PARP11: variants seen among roughly 807,000 people sequenced by gnomAD.
PARP11 encodes poly(ADP-ribose) polymerase family member 11.
In PARP11, 31 loss-of-function variants were observed where a neutral mutation model predicts 42.9. The ratio of observed to expected loss-of-function variants is 0.72; its 90% confidence interval spans 0.54 to 0.98. The LOEUF (loss-of-function observed/expected upper bound fraction) is 0.98. Among genes scored for constraint, PARP11 ranks in the 50% least tolerant of loss-of-function variants. The pLI, the probability that PARP11 is intolerant of heterozygous loss-of-function variation, is 0.00. For synonymous variants in PARP11, 137 were observed against 127.3 expected (o/e 1.08, Z -0.51); for missense variants, 365 against 413.1 (o/e 0.88, Z 1.01).
At chr12:3,816,295 C>T (rs1052675463) in intron 6 of PARP11, among the ~76,000 whole-genome samples, 1 of 152,212 alleles carries the variant, frequency 6.6e-6, no homozygotes, top group Non-Finnish European at 1.5e-5. Flanking sequence ...AAATAAGCTA[C>T]CCCTTCTAGT....
rs374337187 is a variant in PARP11, at chr12:3,840,702, CAGA to C, written c.19-10687_19-10685del. 1.0e-5 allele frequency: 13 copies of C among 1,257,634 alleles called. No homozygotes were observed. In the African/African-American group the frequency reaches 1.9e-4, roughly 19 times the overall value. The allele number at this position is 1,257,634 out of a possible 1,614,324, so 77.9% of individuals were successfully genotyped here. A position where few individuals can be genotyped will look rare whatever the true frequency, so the allele number is the denominator to read the frequency against. On this transcript the variant is annotated intron_variant, in intron 1 of 7. Transcript: ENST00000228820. This position sits in a 1 kb window ranked among gnomAD's most constrained non-coding sequence, Gnocchi z 4.4. Reference sequence around the variant, plus strand: ...AAAGGAAGCAGGCGGAGAATGGATACAGAAGAACGAAAAGACAAAGACTCTATT... The same window carrying C: ...AAAGGAAGCAGGCGGAGAATGGATACAGAACGAAAAGACAAAGACTCTATT...
intron 1 of PARP11, 68 bp downstream of exon 1, chr12:3,873,144 G>T: frequency 7.4e-7 from 1 of 1,350,162 alleles, no homozygotes; most frequent in Non-Finnish European, 1.0e-6. Flanking sequence ...CAGTTCCGGT[G>T]ACCCCCTCCC....
At chr12:3,856,396 C>G (rs1445292745) in intron 1 of PARP11, among the ~76,000 whole-genome samples, 2 of 152,162 alleles carry the variant, frequency 1.3e-5, no homozygotes, top group African/African-American at 4.8e-5. Context: ...TATCCAGAAT[C>G]TACAAAGAAC....
intron 1 of PARP11, among the ~76,000 whole-genome samples, chr12:3,846,630 G>A (rs978975249): frequency 5.9e-5 from 9 of 151,876 alleles, no homozygotes; most frequent in Non-Finnish European, 8.8e-5. Context: ...GGTGGCAGGC[G>A]CCTGTAGTCC....
At position 3,863,881 on chromosome 12, in the gene PARP11, C is replaced by T. The variant is rs976585832; in HGVS notation, c.18+9331G>A. ...TCCCAGAGGGAAGGCAGGTCTTCAC[C>T]GTAAACTGCATTGCTAGTATAAACA... On this transcript the variant is annotated intron_variant, in intron 1 of 7. Coordinates refer to ENST00000228820, the MANE Select transcript of PARP11 (RefSeq NM_020367.6). 5 of 152,196 alleles carry T rather than the reference C, an allele frequency of 3.3e-5. No individual in the cohort carries two copies. In the East Asian group the frequency reaches 9.7e-4, roughly 29 times the overall value. The allele number at this position is 152,196 out of a possible 1,614,324, so 9.4% of individuals were successfully genotyped here.
chr12:3,830,918 A>G (rs1947626130), intron 1 of PARP11, among the ~76,000 whole-genome samples: 1 of 152,188 alleles, frequency 6.6e-6, no homozygotes, highest in Non-Finnish European at 1.5e-5. Flanking sequence ...TAGCTATACC[A>G]ATTAACTCAC....
At chr12:3,854,165 T>G (rs536208627) in intron 1 of PARP11, among the ~76,000 whole-genome samples, 39 of 152,290 alleles carry the variant, frequency 2.6e-4, no homozygotes, top group Admixed American at 1.4e-3. Flanking sequence ...CAGCACTAAA[T>G]GCCCACAAGA....
At chr12:3,812,576 CT>C in intron 7 of PARP11, 137 bp from the exon 8 acceptor site, 1 of 648,592 alleles carries the variant, frequency 1.5e-6, no homozygotes, top group East Asian at 2.7e-5. Flanking sequence ...ATCTGCAGAT[CT>C]TTAAGAGAAG....
At chr12:3,855,536 G>A (rs1449186827) in intron 1 of PARP11, among the ~76,000 whole-genome samples, 3 of 152,162 alleles carry the variant, frequency 2.0e-5, no homozygotes, top group Non-Finnish European at 4.4e-5. Flanking sequence ...TTGCTACAAA[G>A]AGAATAAAAT....
At chr12:3,863,114 A>G (rs980163862) in intron 1 of PARP11, among the ~76,000 whole-genome samples, 16 of 152,300 alleles carry the variant, frequency 1.1e-4, no homozygotes, top group African/African-American at 3.4e-4. Flanking sequence ...CTTATTTCAT[A>G]TTTTTGATAG....
intron 1 of PARP11, among the ~76,000 whole-genome samples, chr12:3,831,206 G>A (rs906571754): frequency 6.6e-6 from 1 of 151,964 alleles, no homozygotes; most frequent in African/African-American, 2.4e-5. Flanking sequence ...TTCTTCTCCA[G>A]GGTTAGCCAA....
intron 6 of PARP11, among the ~76,000 whole-genome samples, chr12:3,816,848 G>A (rs561760158): frequency 1.3e-5 from 2 of 152,128 alleles, no homozygotes; most frequent in Middle Eastern, 3.2e-3. Flanking sequence ...GTTGTAATGA[G>A]CTGAGATTGT....
At chr12:3,815,008 AAAG>A (rs1404099808) in intron 6 of PARP11, 6 of 456,464 alleles carry the variant, frequency 1.3e-5, no homozygotes, top group Middle Eastern at 3.3e-4. Flanking sequence ...TCTCAGGAGG[AAAG>A]AAGGAGAGTA....
chr12:3,830,665 ATTAC>A (rs1477597912), intron 1 of PARP11, among the ~76,000 whole-genome samples: 4 of 152,156 alleles, frequency 2.6e-5, no homozygotes, highest in Non-Finnish European at 4.4e-5. Context: ...TAACCTTTAT[ATTAC>A]TTACTACGTG....
At chr12:3,836,524 T>C (rs1045494158) in intron 1 of PARP11, among the ~76,000 whole-genome samples, 1 of 151,656 alleles carries the variant, frequency 6.6e-6, no homozygotes, top group Admixed American at 6.5e-5. Flanking sequence ...TAATAATCCA[T>C]GGGGGATAAA....
Position 3,814,919 on chromosome 12 carries a change from A to C in PARP11, c.549-731T>G, listed in dbSNP as rs1347696726. 2.9e-5 allele frequency: 10 copies of C among 350,720 alleles called. No individual in the cohort carries two copies. In the East Asian group the frequency reaches 6.7e-4, roughly 24 times the overall value. The allele number at this position is 350,720 out of a possible 1,614,324, so 21.7% of individuals were successfully genotyped here. On this transcript the variant is annotated intron_variant, in intron 6 of 7. Coordinates refer to ENST00000228820, the MANE Select transcript of PARP11 (RefSeq NM_020367.6). ...TTGCAAAAAGAGATAGAGAACTCAA[A>C]ATAATACTGTGTATTATGTAGGTAT...
At chr12:3,844,423 T>A (rs1947957715) in intron 1 of PARP11, among the ~76,000 whole-genome samples, 1 of 152,216 alleles carries the variant, frequency 6.6e-6, no homozygotes, top group Admixed American at 6.5e-5. Flanking sequence ...CACTTTCAGC[T>A]TATGCTTTTT....
Position 3,828,894 on chromosome 12 carries a change from AG to A in PARP11, c.268+15del, listed in dbSNP as rs753458327. 6.2e-7 allele frequency: 1 copy of A among 1,611,106 alleles called. No homozygotes were observed. Among genetic ancestry groups the A allele is most frequent in the South Asian group, 1.1e-5 (1 of 91,008 alleles). On this transcript the variant is annotated intron_variant, in intron 3 of 7. Coordinates refer to ENST00000228820, the MANE Select transcript of PARP11 (RefSeq NM_020367.6). The stretch of plus-strand genomic sequence containing the variant: ...AATATACTAAAAACACACAACTATT[AG>A]GGAAAAAAACATACCTGCAAAGTCT...
intron 1 of PARP11, among the ~76,000 whole-genome samples, chr12:3,832,782 G>A (rs1591773113): frequency 6.6e-6 from 1 of 152,178 alleles, no homozygotes; most frequent in African/African-American, 2.4e-5. Context: ...ATTTAATAAT[G>A]TTAGATGAAT....
Sources: allele counts gnomAD v4.1 joint callset (sites outside exome capture counted in the v4.1 genomes callset), GRCh38; gene constraint gnomAD v4.1.1; non-coding constraint Gnocchi (gnomAD v3.1); transcripts MANE v1.5; gene names NCBI Gene and HGNC (gene_info 2026-07-23, HGNC 2026-07-21).